The following SLIT2 variants were observed in gnomAD, a reference collection of about 807,000 sequenced individuals.
SLIT2 encodes slit guidance ligand 2.
In SLIT2, 41 loss-of-function variants were observed where a neutral mutation model predicts 185.7. The observed-to-expected ratio is 0.22, with a 90% CI of 0.17 to 0.29. The LOEUF is 0.29. SLIT2 is among the 10% of genes least tolerant of loss of function. The pLI, the probability that SLIT2 is intolerant of heterozygous loss-of-function variation, is 1.00. For synonymous variants in SLIT2, 693 were observed against 680.2 expected (o/e 1.02, Z -0.29); for missense variants, 1,571 against 1,909.0 (o/e 0.82, Z 3.30).
In SLIT2 at chr4:20,528,897, A is replaced by G. The variant is rs1577862847; in HGVS notation, c.1463-52A>G. 4.8e-6 allele frequency: 7 copies of G among 1,454,228 alleles called. No homozygotes were observed. In the East Asian group the frequency reaches 9.2e-5, roughly 19 times the overall value. 90.1% of individuals were successfully genotyped at this position (1,454,228 alleles called of 1,614,324 possible). A position where few individuals can be genotyped will look rare whatever the true frequency, so the allele number is the denominator to read the frequency against. ...CTTTTTTCTTCCTACAAACTAATAA[A>G]TTTTCTAACCTTTAGACTCAGTATC... On this transcript the variant is annotated intron_variant, in intron 15 of 36. Coordinates refer to ENST00000504154, the MANE Select transcript of SLIT2 (RefSeq NM_004787.4). The surrounding 1 kb of genome is among the most constrained non-coding windows in gnomAD (Gnocchi z 4.2).
At chr4:20,441,934 C>T (rs575172926) in intron 4 of SLIT2, among the ~76,000 whole-genome samples, 1 of 152,218 alleles carries the variant, frequency 6.6e-6, no homozygotes, top group Admixed American at 6.5e-5. Context: ...GAGAGCCCAA[C>T]ACATATTTTT....
In SLIT2 at chr4:20,550,887, A is replaced by G; in HGVS notation, c.2550A>G (p.Ala850=). The change falls in exon 25 of 37, where the codon GCA becomes GCG. Residue 850 remains alanine, a synonymous_variant. Coordinates refer to ENST00000504154, the MANE Select transcript of SLIT2 (RefSeq NM_004787.4). ...VPEGAFNDLS[A]LSHLAIGANP... is the part of the protein sequence containing the mutation. ...AAGGTGCTTTCAATGATCTTTCTGC[A>G]TTATCACATCTGTGAGTACCTAGTT... is the stretch of plus-strand genomic sequence containing the variant. The G allele has an allele frequency of 6.3e-7, 1 of 1,595,476 alleles. No individual in the cohort carries two copies. The highest frequency in any genetic ancestry group is 8.6e-7 in the Non-Finnish European group (1 of 1,164,076).
intron 25 of SLIT2, 23 bp downstream of exon 25, chr4:20,550,921 T>C (rs202125161): frequency 1.4e-6 from 2 of 1,428,286 alleles, no homozygotes; most frequent in South Asian, 1.2e-5. Context: ...TTTATGAATA[T>C]AGGTTTAGGG....
At position 20,573,189 on chromosome 4, in the gene SLIT2, G is replaced by A. The variant is rs1725762176; in HGVS notation, c.3088+4185G>A. The A allele has an allele frequency of 4.3e-6, 3 of 702,836 alleles. No individual in the cohort carries two copies. The East Asian group carries it at 8.0e-5, about 19-fold the overall frequency. 43.5% of individuals were successfully genotyped at this position (702,836 alleles called of 1,614,324 possible). ...GCTTCCTGTGCTCTGCTGTTGTATT[G>A]CAATGTAAAAAGTCTTTTGTCTCTT... On this transcript the variant is annotated intron_variant, in intron 29 of 36. Coordinates refer to ENST00000504154, the MANE Select transcript of SLIT2 (RefSeq NM_004787.4).
intron 4 of SLIT2, among the ~76,000 whole-genome samples, chr4:20,442,853 G>C (rs78473608): frequency 0.027 from 4,159 of 152,200 alleles, 196 homozygotes; most frequent in African/African-American, 0.094. Flanking sequence ...ATGTTTCTAC[G>C]GAGTGTTTAG....
chr4:20,613,656 G>T (rs1180261757), intron 34 of SLIT2, among the ~76,000 whole-genome samples: 1 of 152,056 alleles, frequency 6.6e-6, no homozygotes, highest in Non-Finnish European at 1.5e-5. Context: ...TACACTGTTG[G>T]TGGGGAGTGT....
chr4:20,337,385 C>T (rs1720594375), intron 4 of SLIT2, among the ~76,000 whole-genome samples: 1 of 152,182 alleles, frequency 6.6e-6, no homozygotes, highest in Admixed American at 6.5e-5. Flanking sequence ...CAGGAAGGAC[C>T]TGCCCCCGTG....
intron 4 of SLIT2, among the ~76,000 whole-genome samples, chr4:20,340,161 T>A (rs1720846602): frequency 1.3e-5 from 2 of 152,228 alleles, no homozygotes; most frequent in African/African-American, 4.8e-5. Context: ...GATGTTTTGA[T>A]ACAGGCATGA....
intron 5 of SLIT2, among the ~76,000 whole-genome samples, chr4:20,480,059 A>G (rs1213472358): frequency 6.6e-6 from 1 of 152,212 alleles, no homozygotes; most frequent in African/African-American, 2.4e-5. Flanking sequence ...CTGTATTTAC[A>G]ATGCAGAGCA....
In SLIT2 at chr4:20,389,479, C is replaced by T. The variant is rs189575268; in HGVS notation, c.396-78273C>T. On this transcript the variant is annotated intron_variant, in intron 4 of 36. Transcript: ENST00000504154. Reference sequence around the variant, plus strand: ...GTGAACACAACGTGTGGCAGAGTTCCCAGCTAATGTATAATGGGACATTTA... The same window carrying T: ...GTGAACACAACGTGTGGCAGAGTTCTCAGCTAATGTATAATGGGACATTTA... Among the ~76,000 whole-genome samples, 11 of 151,418 alleles carry T rather than the reference C, an allele frequency of 7.3e-5. No individual in the cohort carries two copies. The East Asian group carries it at 2.1e-3, about 29-fold the overall frequency.
intron 25 of SLIT2, among the ~76,000 whole-genome samples, chr4:20,553,471 G>C (rs1460295635): frequency 6.6e-6 from 1 of 152,072 alleles, no homozygotes; most frequent in Non-Finnish European, 1.5e-5. Context: ...GTAAATAATT[G>C]GTGAATGAAA....
intron 26 of SLIT2, among the ~76,000 whole-genome samples, chr4:20,558,098 T>C (rs1724407854): frequency 6.6e-6 from 1 of 152,010 alleles, no homozygotes; most frequent in South Asian, 2.1e-4. Flanking sequence ...GCTGTGAACA[T>C]TGTTGAAATA....
chr4:20,575,770 T>G (rs567695208), intron 29 of SLIT2, among the ~76,000 whole-genome samples: 3 of 152,150 alleles, frequency 2.0e-5, no homozygotes, highest in Non-Finnish European at 4.4e-5. Flanking sequence ...AAAATTCAAG[T>G]GCAGCCAAGC....
In SLIT2 at chr4:20,528,210, G is replaced by A; in HGVS notation, c.1463-739G>A. ...ACAGTATTACGTTTCCAGAACGTCT[G>A]TAGCTTTTCTCCTCCTTCCCTCCAT... On this transcript the variant is annotated intron_variant, in intron 15 of 36. Coordinates refer to ENST00000504154, the MANE Select transcript of SLIT2 (RefSeq NM_004787.4). The surrounding 1 kb of genome is among the most constrained non-coding windows in gnomAD (Gnocchi z 4.2). The A allele has an allele frequency of 3.8e-6, 2 of 531,188 alleles. No individual in the cohort carries two copies. The highest frequency in any genetic ancestry group is 5.5e-5 in the East Asian group (1 of 18,346). 32.9% of individuals were successfully genotyped at this position (531,188 alleles called of 1,614,324 possible).
intron 4 of SLIT2, among the ~76,000 whole-genome samples, chr4:20,449,715 A>C (rs915938380): frequency 6.6e-6 from 1 of 151,978 alleles, no homozygotes; most frequent in African/African-American, 2.4e-5. Context: ...CCAAAAAAAC[A>C]TTTTTTTTAT....
intron 19 of SLIT2, among the ~76,000 whole-genome samples, chr4:20,541,219 A>G (rs1239092010): frequency 1.3e-5 from 2 of 152,162 alleles, no homozygotes. Flanking sequence ...TCATGTGAAG[A>G]ATTACCTTAT....
intron 4 of SLIT2, among the ~76,000 whole-genome samples, chr4:20,369,727 G>T (rs1723422815): frequency 6.6e-6 from 1 of 151,994 alleles, no homozygotes; most frequent in Non-Finnish European, 1.5e-5. Context: ...CACTGCTTTG[G>T]CATCATGCTG....
chr4:20,342,694 TCTGCCATTCATCGACTATCGCAC>T (rs1721053425), intron 4 of SLIT2, among the ~76,000 whole-genome samples: 1 of 150,954 alleles, frequency 6.6e-6, no homozygotes, highest in African/African-American at 2.4e-5. Context: ...TTGATTTGAT[TCTGCCATTCATCGACTATCGCAC>T]TTTTTTTTTT....
chr4:20,332,050 CTT>C (rs1323860905), intron 4 of SLIT2, among the ~76,000 whole-genome samples: 1 of 152,160 alleles, frequency 6.6e-6, no homozygotes, highest in Non-Finnish European at 1.5e-5. Flanking sequence ...GTTGTTTCCT[CTT>C]TTTAGCTGTC....
Sources: allele counts gnomAD v4.1 joint callset (sites outside exome capture counted in the v4.1 genomes callset), GRCh38; gene constraint gnomAD v4.1.1; non-coding constraint Gnocchi (gnomAD v3.1); transcripts MANE v1.5; gene names NCBI Gene and HGNC (gene_info 2026-07-23, HGNC 2026-07-21).